The following EHMT1 variants were observed in gnomAD, a reference collection of about 807,000 sequenced individuals.
EHMT1 encodes the protein euchromatic histone lysine methyltransferase 1.
Under a neutral mutation model 147.2 loss-of-function variants are expected in EHMT1, and 15 were observed. The observed-to-expected ratio is 0.10, with a 90% CI of 0.07 to 0.16. The LOEUF is 0.16. Ranked by LOEUF, EHMT1 falls within the 10% of genes least tolerant of loss-of-function variation. The pLI is 1.00. For missense variants in EHMT1, 1,587 were observed against 1,772.4 expected, an observed-to-expected ratio of 0.90 and a Z score of 1.88; for synonymous variants, 795 against 709.6, an observed-to-expected ratio of 1.12 and a Z score of -1.91.
At chr9:137,635,685 T>C (rs776017886) in intron 1 of EHMT1, among the ~76,000 whole-genome samples, 123 of 150,762 alleles carry the variant, frequency 8.2e-4, no homozygotes, top group Non-Finnish European at 1.6e-3. Flanking sequence ...TGGGACGTGG[T>C]GGCGGGCGCC....
At chr9:137,834,128 C>G in intron 25 of EHMT1, 1 of 622,944 alleles carries the variant, frequency 1.6e-6, no homozygotes, top group Non-Finnish European at 2.8e-6. Flanking sequence ...CAGACGGAGG[C>G]CCAGCGAGGA....
intron 1 of EHMT1, among the ~76,000 whole-genome samples, chr9:137,645,261 G>A (rs762657453): frequency 1.3e-5 from 2 of 152,260 alleles, no homozygotes; most frequent in Non-Finnish European, 2.9e-5. Context: ...TGATACAAAA[G>A]GAGAAAGGGC....
chr9:137,638,337 T>TGACCTCAGGTGATCCACC (rs1844235092), intron 1 of EHMT1: 1 of 152,154 alleles, frequency 6.6e-6, no homozygotes, highest in Admixed American at 6.6e-5. Flanking sequence ...CTCGCGCTCC[T>TGACCTCAGGTGATCCACC]GACCTCAGGT....
At chr9:137,719,521 C>G (rs550868519) in intron 3 of EHMT1, among the ~76,000 whole-genome samples, 1 of 152,168 alleles carries the variant, frequency 6.6e-6, no homozygotes, top group East Asian at 1.9e-4. Context: ...CCAGGCTGGC[C>G]GGCCTGACCC....
intron 1 of EHMT1, among the ~76,000 whole-genome samples, chr9:137,659,004 T>A (rs1361131423): frequency 1.3e-5 from 2 of 152,172 alleles, no homozygotes; most frequent in Admixed American, 6.6e-5. Context: ...CAAGCCCACA[T>A]CCTCTTTCCT....
chr9:137,757,808 C>T (rs1949493867), intron 8 of EHMT1, 72 bp from the exon 9 acceptor site: 1 of 1,607,512 alleles, frequency 6.2e-7, no homozygotes, highest in Non-Finnish European at 8.5e-7. Flanking sequence ...CCCAGCCTTG[C>T]TGCCCTGTGC....
At chr9:137,812,805 G>A (rs1157736771) in intron 19 of EHMT1, among the ~76,000 whole-genome samples, 1 of 152,262 alleles carries the variant, frequency 6.6e-6, no homozygotes, top group Non-Finnish European at 1.5e-5. Flanking sequence ...GTGAATGTGG[G>A]AGAGGAGGAA....
chr9:137,718,632 C>T (rs565655056), intron 3 of EHMT1, among the ~76,000 whole-genome samples: 1 of 152,250 alleles, frequency 6.6e-6, no homozygotes, highest in East Asian at 1.9e-4. Flanking sequence ...TTTCCAGCTT[C>T]CTTACTGGTT....
chr9:137,678,304 C>T (rs1297705302), intron 1 of EHMT1, among the ~76,000 whole-genome samples: 1 of 152,176 alleles, frequency 6.6e-6, no homozygotes, highest in Non-Finnish European at 1.5e-5. Context: ...GAAGTGGCAC[C>T]TCCATGGCTT....
intron 14 of EHMT1, among the ~76,000 whole-genome samples, chr9:137,780,517 G>A (rs1951344074): frequency 7.3e-6 from 1 of 136,732 alleles, no homozygotes; most frequent in Non-Finnish European, 1.5e-5. Context: ...TGGTGATGAC[G>A]CTGGGATGTG....
At chr9:137,729,332 T>C (rs1397145412) in intron 4 of EHMT1, among the ~76,000 whole-genome samples, 1 of 152,172 alleles carries the variant, frequency 6.6e-6, no homozygotes, top group African/African-American at 2.4e-5. Context: ...CTCACGCCTG[T>C]AATCCCAGCA....
intron 10 of EHMT1, among the ~76,000 whole-genome samples, chr9:137,774,699 C>T (rs111912297): frequency 8.2e-6 from 1 of 121,404 alleles, no homozygotes; most frequent in Admixed American, 8.4e-5. Flanking sequence ...GGTGTGGGCA[C>T]GCCTGCCCCC....
chr9:137,764,406 C>T (rs1398133593), intron 10 of EHMT1: 1 of 152,236 alleles, frequency 6.6e-6, no homozygotes, highest in Admixed American at 6.5e-5. Flanking sequence ...CAGAGCCTCT[C>T]ACTTGTTTCA....
intron 1 of EHMT1, among the ~76,000 whole-genome samples, chr9:137,678,043 TG>T (rs1941550796): frequency 6.6e-6 from 1 of 152,114 alleles, no homozygotes; most frequent in Non-Finnish European, 1.5e-5. Context: ...CACTCCAGCC[TG>T]GGCGACAGAG....
At chr9:137,811,648 C>G in intron 19 of EHMT1, 33 bp downstream of exon 19, 1 of 1,598,942 alleles carries the variant, frequency 6.3e-7, no homozygotes, top group African/African-American at 1.3e-5. Flanking sequence ...CGCGGGCTGG[C>G]GCTGACCTGA....
At chr9:137,728,002 T>C (rs140287405) in intron 3 of EHMT1, among the ~76,000 whole-genome samples, 2 of 152,336 alleles carry the variant, frequency 1.3e-5, no homozygotes, top group East Asian at 3.9e-4. Flanking sequence ...TGGAACATTT[T>C]TTTCTGCAAA....
At chr9:137,689,328 T>C (rs563999383) in intron 1 of EHMT1, among the ~76,000 whole-genome samples, 1 of 152,346 alleles carries the variant, frequency 6.6e-6, no homozygotes, top group South Asian at 2.1e-4. Flanking sequence ...AATTGAGCTG[T>C]GTGCTATTGT....
rs1237597086 is a variant in EHMT1, at chr9:137,776,704, T to C, written c.1878T>C (p.Tyr626=). 6 of 1,613,996 alleles carry C rather than the reference T, an allele frequency of 3.7e-6. No individual in the cohort carries two copies. In the African/African-American group the frequency reaches 4.0e-5, roughly 11 times the overall value. ...DCASRVNNAS[Y]CPHCGEESSK... ...CCTCTCGAGTCAATAACGCCAGCTA[T>C]TGTCCCCACTGTGGGGAGGAGAGCT... The change falls in exon 12 of 27, where the codon TAT becomes TAC. Residue 626 remains tyrosine (Y), a synonymous_variant. Transcript: ENST00000460843. The surrounding 1 kb of genome is among the most constrained non-coding windows in gnomAD (Gnocchi z 4.4).
chr9:137,669,372 G>A (rs1309358297), intron 1 of EHMT1, among the ~76,000 whole-genome samples: 2 of 96,816 alleles, frequency 2.1e-5, no homozygotes, highest in African/African-American at 8.3e-5. Context: ...CACAGCACGT[G>A]CACTGGACTC....
Sources: allele counts gnomAD v4.1 joint callset (sites outside exome capture counted in the v4.1 genomes callset), GRCh38; gene constraint gnomAD v4.1.1; non-coding constraint Gnocchi (gnomAD v3.1); transcripts MANE v1.5; gene names NCBI Gene and HGNC (gene_info 2026-07-23, HGNC 2026-07-21).